PAMR1: variants seen among roughly 807,000 people sequenced by gnomAD.
PAMR1 encodes inactive serine protease PAMR1.
PAMR1 carries 88 observed loss-of-function variants against 81.8 expected under a neutral mutation model. The ratio of observed to expected loss-of-function variants is 1.08; its 90% CI spans 0.91 to 1.28. The LOEUF (loss-of-function observed/expected upper bound fraction) is 1.28, where lower values mean the gene tolerates loss of function less well. Among genes scored for constraint, PAMR1 ranks in the 50% most tolerant of loss-of-function variants. The pLI, the probability that PAMR1 is intolerant of heterozygous loss-of-function variation, is 0.00. For missense variants in PAMR1, 935 were observed against 919.7 expected (o/e 1.02, Z -0.21); for synonymous variants, 336 against 345.3 (o/e 0.97, Z 0.30).
chr11:35,497,363 C>T (rs1034190784), intron 1 of PAMR1, among the ~76,000 whole-genome samples: 1 of 152,074 alleles, frequency 6.6e-6, no homozygotes, highest in African/African-American at 2.4e-5. Context: ...AATGCAATAT[C>T]TACAATAGGC....
chr11:35,434,278 T>C lies in PAMR1; in HGVS notation c.1626+234A>G, dbSNP rs553279381. Among the ~76,000 whole-genome samples, 21 of 152,212 alleles carry C rather than the reference T, an allele frequency of 1.4e-4. No homozygotes were observed. In the South Asian group the frequency reaches 4.4e-3, roughly 32 times the overall value. On this transcript the variant is annotated intron_variant, in intron 10 of 10. Transcript: ENST00000619888. ...AACTTTTGATGACCACAGTGATAGA[T>C]GCCTTTGCCTCTATCTTATTTAAAA...
At chr11:35,515,769 G>T (rs1424740707) in intron 1 of PAMR1, among the ~76,000 whole-genome samples, 2 of 152,156 alleles carry the variant, frequency 1.3e-5, no homozygotes, top group Non-Finnish European at 2.9e-5. Flanking sequence ...CTGGAAGGTG[G>T]ATGCATGTTA....
chr11:35,489,517 C>T lies in PAMR1; in HGVS notation c.379+2528G>A, dbSNP rs542291040. Among the ~76,000 whole-genome samples, 49 of 152,290 alleles carry T rather than the reference C, an allele frequency of 3.2e-4. No individual in the cohort carries two copies. In the South Asian group the frequency reaches 3.9e-3, roughly 12 times the overall value. ...CCTCCACTCCAGCGGAGTTATGCTA[C>T]AAGAGTTATCTGTCAAATGGTACTC... On this transcript the variant is annotated intron_variant, in intron 3 of 10. Coordinates refer to ENST00000619888, the MANE Select transcript of PAMR1 (RefSeq NM_001001991.3).
At chr11:35,492,283 T>C in intron 2 of PAMR1, 110 bp from the exon 3 acceptor site, 2 of 1,214,064 alleles carry the variant, frequency 1.6e-6, no homozygotes, top group East Asian at 2.4e-5. Flanking sequence ...ACTAAGAGCA[T>C]CTGGGCCTAG....
chr11:35,524,820 C>T (rs1339901240), intron 1 of PAMR1, among the ~76,000 whole-genome samples: 2 of 152,218 alleles, frequency 1.3e-5, no homozygotes, highest in Non-Finnish European at 2.9e-5. Flanking sequence ...CCCATTTGAC[C>T]TGGGGATTGT....
chr11:35,457,442 T>C (rs1751426955), intron 6 of PAMR1, among the ~76,000 whole-genome samples: 1 of 152,184 alleles, frequency 6.6e-6, no homozygotes, highest in African/African-American at 2.4e-5. Context: ...AGACAGCATA[T>C]CATGGCACTT....
intron 5 of PAMR1, among the ~76,000 whole-genome samples, chr11:35,469,297 G>A (rs1201762668): frequency 6.6e-6 from 1 of 152,216 alleles, no homozygotes; most frequent in Admixed American, 6.5e-5. Context: ...ACACAGGCCA[G>A]TATTGCCAAA....
At chr11:35,488,396 T>G (rs1051522802) in intron 3 of PAMR1, among the ~76,000 whole-genome samples, 11 of 152,010 alleles carry the variant, frequency 7.2e-5, no homozygotes, top group African/African-American at 2.7e-4. Context: ...ATTTTTTTAA[T>G]ATTGTGTAGA....
intron 1 of PAMR1, among the ~76,000 whole-genome samples, chr11:35,509,405 T>C (rs1268854461): frequency 6.6e-6 from 1 of 152,228 alleles, no homozygotes; most frequent in African/African-American, 2.4e-5. Flanking sequence ...GCTTCAGCTG[T>C]ACAAATTTCA....
At chr11:35,505,031 T>C (rs1003499301) in intron 1 of PAMR1, among the ~76,000 whole-genome samples, 17 of 152,080 alleles carry the variant, frequency 1.1e-4, no homozygotes, top group South Asian at 2.1e-4. Context: ...CTGTACCCCA[T>C]AGATTTTGGT....
In PAMR1 at chr11:35,444,793, T is replaced by C. The variant is rs142149130; in HGVS notation, c.821-3100A>G. Among the ~76,000 whole-genome samples, 30 of 152,370 alleles carry C rather than the reference T, an allele frequency of 2.0e-4. No individual in the cohort carries two copies. The East Asian group carries it at 5.0e-3, about 25-fold the overall frequency. ...TAGTGTGATGCCTTCAGCTTCATTC[T>C]TTTTGCTTAGGATTGTCTTGACTAT... On this transcript the variant is annotated intron_variant, in intron 6 of 10. Coordinates refer to ENST00000619888, the MANE Select transcript of PAMR1 (RefSeq NM_001001991.3).
chr11:35,522,149 C>G (rs532177915), intron 1 of PAMR1, among the ~76,000 whole-genome samples: 84 of 152,240 alleles, frequency 5.5e-4, no homozygotes, highest in African/African-American at 1.9e-3. Context: ...GCCTCGATCT[C>G]CTGACCTCGT....
chr11:35,450,129 C>CAAAAAAAAAAAAAA (rs60887441), intron 6 of PAMR1, among the ~76,000 whole-genome samples: 2 of 43,048 alleles, frequency 4.6e-5, no homozygotes, highest in Non-Finnish European at 7.4e-5. Context: ...TGCCTCCAGG[C>CAAAAAAAAAAAAAA]AAAAAAAAAA....
intron 1 of PAMR1, among the ~76,000 whole-genome samples, chr11:35,508,148 T>C (rs1851005873): frequency 6.6e-6 from 1 of 152,186 alleles, no homozygotes; most frequent in Non-Finnish European, 1.5e-5. Flanking sequence ...GTACTTACAA[T>C]GGTTCCTGTG....
intron 1 of PAMR1, among the ~76,000 whole-genome samples, chr11:35,496,078 G>A (rs1414096231): frequency 6.6e-6 from 1 of 152,128 alleles, no homozygotes; most frequent in Non-Finnish European, 1.5e-5. Context: ...ACTTAGCTGC[G>A]CTTCCCATGT....
At chr11:35,523,622 G>T (rs1214105977) in intron 1 of PAMR1, among the ~76,000 whole-genome samples, 4 of 152,212 alleles carry the variant, frequency 2.6e-5, no homozygotes, top group Non-Finnish European at 4.4e-5. Flanking sequence ...TTAATTAGAG[G>T]AAATACGCTT....
intron 1 of PAMR1, among the ~76,000 whole-genome samples, chr11:35,508,554 G>A (rs1851016304): frequency 8.1e-6 from 1 of 123,516 alleles, no homozygotes; most frequent in Admixed American, 9.0e-5. Context: ...TTTTACTTCA[G>A]GTTCAGGGGT....
At chr11:35,467,219 T>C (rs569304957) in intron 6 of PAMR1, among the ~76,000 whole-genome samples, 1 of 152,294 alleles carries the variant, frequency 6.6e-6, no homozygotes, top group East Asian at 1.9e-4. Flanking sequence ...ATCGCACCCC[T>C]ACTTGGCCTC....
chr11:35,457,670 G>C (rs968167689), intron 6 of PAMR1, among the ~76,000 whole-genome samples: 1 of 152,162 alleles, frequency 6.6e-6, no homozygotes, highest in African/African-American at 2.4e-5. Flanking sequence ...TTGAGTGCAA[G>C]TAGTTCATTT....
Sources: gnomAD v4.1 joint callset for allele counts (sites outside exome capture counted in the v4.1 genomes callset) on GRCh38, gnomAD v4.1.1 for gene constraint, MANE v1.5 for transcripts, NCBI Gene and HGNC (gene_info 2026-07-23, HGNC 2026-07-21) for gene names.